The following LRRC7 variants were observed in gnomAD, a reference collection of about 807,000 sequenced individuals.
The protein encoded by LRRC7 is leucine rich repeat containing 7, also known as leucine-rich repeat-containing protein 7.
Under a neutral mutation model 175.7 loss-of-function variants are expected in LRRC7, and 23 were observed. The observed-to-expected ratio is 0.13, with a 90% CI of 0.09 to 0.19. LRRC7 has a LOEUF of 0.19. LRRC7 is among the 10% of genes least tolerant of loss of function. LRRC7 has a pLI of 1.00. For missense variants in LRRC7, 1,354 were observed against 1,904.7 expected (o/e 0.71, Z 5.38); for synonymous variants, 685 against 680.9 (o/e 1.01, Z -0.09).
chr1:69,631,952 T>C (rs1415528804), intron 1 of LRRC7, among the ~76,000 whole-genome samples: 2 of 152,180 alleles, frequency 1.3e-5, no homozygotes, highest in Non-Finnish European at 2.9e-5. Context: ...TGACTTAAGG[T>C]TTAAATAAAA....
chr1:69,724,116 A>G (rs1666666213), intron 2 of LRRC7, among the ~76,000 whole-genome samples: 1 of 152,192 alleles, frequency 6.6e-6, no homozygotes, highest in Admixed American at 6.5e-5. Context: ...AAAATTGAGC[A>G]CATTCCTTCA....
intron 5 of LRRC7, among the ~76,000 whole-genome samples, chr1:69,834,019 T>C (rs1486587709): frequency 6.6e-6 from 1 of 152,092 alleles, no homozygotes; most frequent in Admixed American, 6.6e-5. Context: ...AATTTACTAA[T>C]AAAAAAATTA....
At position 70,053,151 on chromosome 1, in the gene LRRC7, C is replaced by G. The variant is rs754772584; in HGVS notation, c.4230+6C>G. 1.2e-5 allele frequency: 19 copies of G among 1,597,062 alleles called. No individual in the cohort carries two copies. The highest frequency in any genetic ancestry group is 1.6e-5 in the Non-Finnish European group (19 of 1,172,518). ...CGGACACCATTACTAAGAAGGTAAC[C>G]AATTTTTAATTAACAAGACAAACCA... is the stretch of plus-strand genomic sequence containing the variant. On this transcript the variant is annotated splice_donor_region_variant and intron_variant, in intron 23 of 26. Coordinates refer to ENST00000651989, the MANE Select transcript of LRRC7 (RefSeq NM_001370785.2).
intron 2 of LRRC7, among the ~76,000 whole-genome samples, chr1:69,741,796 C>A (rs1282755718): frequency 6.6e-6 from 1 of 151,962 alleles, no homozygotes; most frequent in Non-Finnish European, 1.5e-5. Context: ...TTCTGTACCT[C>A]CTTTCTGGCC....
intron 1 of LRRC7, among the ~76,000 whole-genome samples, chr1:69,629,487 A>T (rs1490193455): frequency 6.6e-6 from 1 of 152,124 alleles, no homozygotes; most frequent in East Asian, 1.9e-4. Context: ...GTAACCGTAC[A>T]CTTAAGCATC....
At chr1:69,802,994 A>G (rs1676698030) in intron 4 of LRRC7, among the ~76,000 whole-genome samples, 1 of 151,342 alleles carries the variant, frequency 6.6e-6, no homozygotes, top group Non-Finnish European at 1.5e-5. Flanking sequence ...TCCCATGTGA[A>G]TAGATGACTG....
chr1:69,773,616 T>G (rs1239708761), intron 3 of LRRC7, among the ~76,000 whole-genome samples: 1 of 152,198 alleles, frequency 6.6e-6, no homozygotes, highest in Non-Finnish European at 1.5e-5. Flanking sequence ...CAAAGGCAAG[T>G]TCTCCTAAAG....
chr1:69,953,735 T>C (rs1444256811), intron 8 of LRRC7, among the ~76,000 whole-genome samples: 1 of 152,020 alleles, frequency 6.6e-6, no homozygotes, highest in African/African-American at 2.4e-5. Flanking sequence ...TGAAGAGCAC[T>C]CATCTTAGTG....
chr1:69,901,508 A>G (rs553925690), intron 7 of LRRC7, among the ~76,000 whole-genome samples: 2 of 152,244 alleles, frequency 1.3e-5, no homozygotes, highest in Non-Finnish European at 2.9e-5. Context: ...GTTGTTCTCC[A>G]TTCCTAAGAA....
At chr1:69,609,609 ATG>A (rs1648375243) in intron 1 of LRRC7, among the ~76,000 whole-genome samples, 1 of 152,074 alleles carries the variant, frequency 6.6e-6, no homozygotes, top group African/African-American at 2.4e-5. Context: ...AGTTTAATAT[ATG>A]TGATGGTGCT....
chr1:70,056,011 T>C (rs1281235029), intron 23 of LRRC7, among the ~76,000 whole-genome samples: 5 of 152,124 alleles, frequency 3.3e-5, no homozygotes, highest in Non-Finnish European at 1.5e-5. Flanking sequence ...TTCACTAAGA[T>C]GGGAAATACA....
chr1:69,694,965 C>T (rs137913063), intron 2 of LRRC7, among the ~76,000 whole-genome samples: 126 of 152,280 alleles, frequency 8.3e-4, no homozygotes, highest in African/African-American at 3.0e-3. Context: ...AAACAGAAAA[C>T]TGTTACTGAG....
intron 1 of LRRC7, among the ~76,000 whole-genome samples, chr1:69,649,477 G>C (rs1466413154): frequency 6.6e-6 from 1 of 152,136 alleles, no homozygotes; most frequent in African/African-American, 2.4e-5. Flanking sequence ...AGATTTTGAA[G>C]ATTTGTGTAT....
At chr1:69,760,419 C>A (rs1479043988) in intron 3 of LRRC7, 26 bp downstream of exon 3, 1 of 1,560,144 alleles carries the variant, frequency 6.4e-7, no homozygotes, top group East Asian at 2.3e-5. Context: ...CTAAAATATA[C>A]AATGTAAATG....
intron 7 of LRRC7, among the ~76,000 whole-genome samples, chr1:69,861,706 T>G (rs1684374170): frequency 6.6e-6 from 1 of 152,180 alleles, no homozygotes; most frequent in Non-Finnish European, 1.5e-5. Flanking sequence ...GATTCAGGTG[T>G]CCATACAGGT....
At chr1:69,640,442 G>T (rs1317972795) in intron 1 of LRRC7, among the ~76,000 whole-genome samples, 1 of 151,490 alleles carries the variant, frequency 6.6e-6, no homozygotes, top group Non-Finnish European at 1.5e-5. Context: ...TGATTAGTAA[G>T]AATAATGAAT....
chr1:69,786,664 A>T (rs1271179665), intron 3 of LRRC7, among the ~76,000 whole-genome samples: 1 of 151,796 alleles, frequency 6.6e-6, no homozygotes, highest in Non-Finnish European at 1.5e-5. Flanking sequence ...GTTCAGGGAA[A>T]CTCCCCTTTT....
At chr1:70,093,743 G>A (rs530903360) in intron 25 of LRRC7, among the ~76,000 whole-genome samples, 2 of 152,126 alleles carry the variant, frequency 1.3e-5, no homozygotes, top group East Asian at 3.9e-4. Context: ...TATAACTTGT[G>A]GACTAAGGTA....
intron 23 of LRRC7, among the ~76,000 whole-genome samples, chr1:70,071,865 C>G (rs1222412418): frequency 6.6e-6 from 1 of 152,036 alleles, no homozygotes; most frequent in Non-Finnish European, 1.5e-5. Flanking sequence ...TTTAAAAGAC[C>G]AGTGTAAACC....
Sources: gnomAD v4.1 joint callset for allele counts (sites outside exome capture counted in the v4.1 genomes callset) on GRCh38, gnomAD v4.1.1 for gene constraint, MANE v1.5 for transcripts, NCBI Gene and HGNC (gene_info 2026-07-23, HGNC 2026-07-21) for gene names.